The following NPSR1 variants were observed in gnomAD, a reference collection of about 807,000 sequenced individuals.
NPSR1 encodes the protein neuropeptide S receptor 1.
NPSR1 carries 48 observed loss-of-function variants against 46.9 expected under a neutral mutation model. The ratio of observed to expected loss-of-function variants is 1.02; its 90% confidence interval spans 0.81 to 1.30. The LOEUF (loss-of-function observed/expected upper bound fraction) is 1.30, where lower values mean the gene tolerates loss of function less well. NPSR1 is among the 50% of genes most tolerant of loss of function. NPSR1 has a pLI of 0.00. For missense variants in NPSR1, 450 were observed against 449.5 expected, an observed-to-expected ratio of 1.00 and a Z score of -0.01; for synonymous variants, 176 against 168.1, an observed-to-expected ratio of 1.05 and a Z score of -0.36.
intron 7 of NPSR1, among the ~76,000 whole-genome samples, chr7:34,846,243 T>G (rs2128764204): frequency 6.6e-6 from 1 of 152,266 alleles, no homozygotes; most frequent in South Asian, 2.1e-4. Flanking sequence ...AGAGCCTGCA[T>G]AGCCCTTTAT....
At chr7:34,855,126 C>T (rs552395213) in intron 8 of NPSR1, among the ~76,000 whole-genome samples, 2 of 151,238 alleles carry the variant, frequency 1.3e-5, no homozygotes, top group South Asian at 4.2e-4. Flanking sequence ...GTATAGGATA[C>T]AAATAAAACA....
Position 34,862,062 on chromosome 7 carries a change from C to A in NPSR1, c.1025+13399C>A, listed in dbSNP as rs1006306960. Among the ~76,000 whole-genome samples, 42 of 151,814 alleles carry A rather than the reference C, an allele frequency of 2.8e-4. 1 individual carries two copies. Among genetic ancestry groups the A allele is most frequent in the Admixed American group, 6.5e-5 (1 of 15,268 alleles). On this transcript the variant is annotated intron_variant, in intron 8 of 8. Transcript: ENST00000359791. ...ACCATTGCACCTGCACCCTTTGTTT[C>A]CTTATTGTTTCTCAGCTCCAAAGCC...
At chr7:34,720,057 G>A (rs1783774717) in intron 2 of NPSR1, among the ~76,000 whole-genome samples, 1 of 151,920 alleles carries the variant, frequency 6.6e-6, no homozygotes, top group Non-Finnish European at 1.5e-5. Context: ...CGAGGCGGGT[G>A]GATCATGAGG....
rs145328478 is a variant in NPSR1 at position 34,781,280 on chromosome 7, G to C, written c.384+2715G>C. Among the ~76,000 whole-genome samples, 364 of 152,180 alleles carry C rather than the reference G, an allele frequency of 2.4e-3. 2 individuals are homozygous for C. The highest frequency in any genetic ancestry group is 8.4e-3 in the African/African-American group (347 of 41,512). ...AGAATGTAAGAAAATCTCTGTTTAGGACCTATCACCAAGATCATGGAGTAG... is the reference window on the plus strand; with the variant it reads ...AGAATGTAAGAAAATCTCTGTTTAGCACCTATCACCAAGATCATGGAGTAG... On this transcript the variant is annotated intron_variant, in intron 3 of 8. Coordinates refer to ENST00000360581, the MANE Select transcript of NPSR1 (RefSeq NM_207172.2).
intron 2 of NPSR1, among the ~76,000 whole-genome samples, chr7:34,702,069 T>C (rs1232903729): frequency 6.6e-6 from 1 of 152,212 alleles, no homozygotes; most frequent in Non-Finnish European, 1.5e-5. Flanking sequence ...TTTCTTACCA[T>C]TGGGAACCCA....
At chr7:34,808,861 G>T (rs1015627790) in intron 3 of NPSR1, among the ~76,000 whole-genome samples, 2 of 152,024 alleles carry the variant, frequency 1.3e-5, no homozygotes, top group African/African-American at 4.8e-5. Flanking sequence ...TTTCTTTTAG[G>T]TAACTTTTAA....
chr7:34,722,913 C>T (rs1372291067), intron 2 of NPSR1, among the ~76,000 whole-genome samples: 2 of 152,150 alleles, frequency 1.3e-5, no homozygotes, highest in Non-Finnish European at 2.9e-5. Flanking sequence ...GAAGAGTCAG[C>T]CAGCTGGAGA....
Position 34,856,075 on chromosome 7 carries a change from C to G in NPSR1, c.1025+7412C>G, listed in dbSNP as rs73094721. On this transcript the variant is annotated intron_variant, in intron 8 of 8. Coordinates refer to the NPSR1 transcript ENST00000359791. ...TTAATGGTGAAGCTTTGAAGATGTTCCTTTTGAAATAAAGAATGAGTGAAG... is the reference window on the plus strand; with the variant it reads ...TTAATGGTGAAGCTTTGAAGATGTTGCTTTTGAAATAAAGAATGAGTGAAG... Among the ~76,000 whole-genome samples, 1,033 of 152,100 alleles carry G rather than the reference C, an allele frequency of 6.8e-3. 6 individuals carry two copies. Among genetic ancestry groups the G allele is most frequent in the Non-Finnish European group, 0.012 (815 of 67,960 alleles).
intron 2 of NPSR1, 76 bp downstream of exon 2, chr7:34,684,760 T>TA (rs1792841689): frequency 1.6e-5 from 18 of 1,133,290 alleles, no homozygotes; most frequent in African/African-American, 1.0e-4. Context: ...ATGAATTTTA[T>TA]CAAAAAAAAA....
chr7:34,751,987 A>C (rs1785561238), intron 2 of NPSR1: 2 of 902,044 alleles, frequency 2.2e-6, no homozygotes, highest in Non-Finnish European at 3.7e-6. Flanking sequence ...CTACTGTCAG[A>C]GATGTTGGCG....
intron 1 of NPSR1, among the ~76,000 whole-genome samples, chr7:34,675,644 C>T (rs575223150): frequency 3.8e-4 from 58 of 152,344 alleles, no homozygotes; most frequent in South Asian, 2.1e-3. Context: ...ATCCTTTTGG[C>T]TCTGGAAGCA....
intron 8 of NPSR1, among the ~76,000 whole-genome samples, chr7:34,863,211 G>T (rs1484309255): frequency 6.6e-6 from 1 of 151,710 alleles, no homozygotes; most frequent in Non-Finnish European, 1.5e-5. Flanking sequence ...CGTTCCTTAT[G>T]CCTTATACAA....
chr7:34,827,309 G>C, intron 4 of NPSR1, 92 bp from the exon 5 acceptor site: 8 of 1,055,206 alleles, frequency 7.6e-6, no homozygotes, highest in Non-Finnish European at 1.1e-5. Context: ...CAGGGTGGCT[G>C]CCCCACAGTG....
chr7:34,871,100 GA>G (rs1044808876), intron 8 of NPSR1, among the ~76,000 whole-genome samples: 2 of 151,820 alleles, frequency 1.3e-5, no homozygotes, highest in Non-Finnish European at 2.9e-5. Flanking sequence ...AGATAAAACA[GA>G]TTTAATTGGT....
At chr7:34,838,499 C>A (rs763498467) in intron 6 of NPSR1, among the ~76,000 whole-genome samples, 1 of 152,138 alleles carries the variant, frequency 6.6e-6, no homozygotes, top group Non-Finnish European at 1.5e-5. Context: ...TACAGCCAAG[C>A]AGCTCTGGAG....
chr7:34,731,629 A>G (rs533075187), intron 2 of NPSR1, among the ~76,000 whole-genome samples: 2 of 152,334 alleles, frequency 1.3e-5, no homozygotes, highest in East Asian at 3.9e-4. Context: ...GAGTGGGCCA[A>G]TCTTGGAAAA....
chr7:34,676,889 G>A (rs6975546), intron 1 of NPSR1, among the ~76,000 whole-genome samples: 1 of 152,154 alleles, frequency 6.6e-6, no homozygotes, highest in Non-Finnish European at 1.5e-5. Flanking sequence ...AGATGTGGAG[G>A]TGGGGAGGGT....
intron 2 of NPSR1, among the ~76,000 whole-genome samples, chr7:34,691,561 C>T (rs1398505098): frequency 6.6e-6 from 1 of 151,870 alleles, no homozygotes; most frequent in Non-Finnish European, 1.5e-5. Context: ...CAGGAGTAGC[C>T]ATTCTTATAT....
At chr7:34,826,367 T>C (rs1214672090) in intron 4 of NPSR1, among the ~76,000 whole-genome samples, 3 of 152,212 alleles carry the variant, frequency 2.0e-5, no homozygotes, top group African/African-American at 4.8e-5. Flanking sequence ...TAGTTTCCTC[T>C]AGATTTTTCT....
Sources: gnomAD v4.1 joint callset for allele counts (sites outside exome capture counted in the v4.1 genomes callset) on GRCh38, gnomAD v4.1.1 for gene constraint, MANE v1.5 for transcripts, NCBI Gene and HGNC (gene_info 2026-07-23, HGNC 2026-07-21) for gene names.